WDR72: variants seen among roughly 807,000 people sequenced by gnomAD.
WDR72 encodes the protein WD repeat domain 72.
Under a neutral mutation model 124.2 loss-of-function variants are expected in WDR72, and 120 were observed. That is an observed-to-expected ratio of 0.97 (90% CI 0.83 to 1.12). The LOEUF is 1.12. Among genes scored for constraint, WDR72 ranks in the 50% most tolerant of loss-of-function variants. The pLI, the probability that WDR72 is intolerant of heterozygous loss-of-function variation, is 0.00. For synonymous variants in WDR72, 452 were observed against 441.7 expected (o/e 1.02, Z -0.29); for missense variants, 1,387 against 1,278.8 (o/e 1.08, Z -1.29).
In WDR72 at chr15:53,743,973, CAA is replaced by C. The variant is rs11295149; in HGVS notation, c.-12-10814_-12-10813del. ...CTGGGCGACAGAGCGAGACTCGTCT[CAA>C]AAAAAAAAAAAAAAAATTTATCAAA... On this transcript the variant is annotated intron_variant, in intron 1 of 19. Coordinates refer to ENST00000360509, the MANE Select transcript of WDR72 (RefSeq NM_182758.4). 1.5e-3 allele frequency among the ~76,000 whole-genome samples: 191 copies of C among 128,688 alleles called. 1 individual carries two copies. Among genetic ancestry groups the C allele is most frequent in the Middle Eastern group, 4.0e-3 (1 of 252 alleles). The allele number at this position is 128,688 out of a possible 152,430, so 84.4% of individuals were successfully genotyped here.
chr15:53,758,817 C>T (rs1231008187), intron 1 of WDR72, among the ~76,000 whole-genome samples: 6 of 142,012 alleles, frequency 4.2e-5, no homozygotes, highest in African/African-American at 1.3e-4. Flanking sequence ...GTACCATACA[C>T]CTACGTTTTG....
Position 53,615,674 on chromosome 15 carries a change from T to A in WDR72, c.2532A>T (p.Pro844=). ...TTCCACTATTGCATAAATCCCAACC[T>A]GGCAACATCAGTGAGAAATTATCTT... ...LNEDNFSLML[P]GWDLCNSGMI... The change falls in exon 15 of 20, where the codon CCA becomes CCT. Residue 844 remains proline (P), a synonymous_variant. Coordinates refer to ENST00000360509, the MANE Select transcript of WDR72 (RefSeq NM_182758.4). The A allele has an allele frequency of 6.2e-7, 1 of 1,611,664 alleles. No individual in the cohort carries two copies. The highest frequency in any genetic ancestry group is 8.5e-7 in the Non-Finnish European group (1 of 1,178,782).
chr15:53,742,958 C>T (rs16973512), intron 1 of WDR72, among the ~76,000 whole-genome samples: 2,457 of 152,058 alleles, frequency 0.016, 42 homozygotes, highest in Non-Finnish European at 0.026. Flanking sequence ...AGACATAAAA[C>T]TTCTCTTAAG....
intron 18 of WDR72, among the ~76,000 whole-genome samples, chr15:53,595,459 A>G (rs1254984612): frequency 6.6e-6 from 1 of 152,168 alleles, no homozygotes; most frequent in African/African-American, 2.4e-5. Context: ...GAAACCTCAA[A>G]TATGAGTAAG....
chr15:53,722,769 G>C (rs1433219846), intron 3 of WDR72, 33 bp downstream of exon 3: 15 of 1,585,654 alleles, frequency 9.5e-6, no homozygotes, highest in Middle Eastern at 1.7e-4. Flanking sequence ...GAAGGAAATG[G>C]AGAAGGGGAC....
At chr15:53,630,352 A>G (rs914755733) in intron 14 of WDR72, among the ~76,000 whole-genome samples, 4 of 152,204 alleles carry the variant, frequency 2.6e-5, no homozygotes, top group Non-Finnish European at 5.9e-5. Flanking sequence ...ACACTTCCCA[A>G]ATCTCTCTAA....
intron 7 of WDR72, 33 bp downstream of exon 7, chr15:53,712,739 A>C (rs372143756): frequency 6.3e-7 from 1 of 1,598,320 alleles, no homozygotes; most frequent in African/African-American, 1.3e-5. Context: ...ACACTTGTAC[A>C]TCACTGGTAT....
intron 11 of WDR72, among the ~76,000 whole-genome samples, chr15:53,704,084 A>C (rs1387946942): frequency 6.6e-6 from 1 of 152,228 alleles, no homozygotes; most frequent in Non-Finnish European, 1.5e-5. Context: ...CAAGTCAGTA[A>C]CATTTAGTAA....
At chr15:53,609,311 C>T (rs2013429776) in intron 17 of WDR72, among the ~76,000 whole-genome samples, 2 of 152,124 alleles carry the variant, frequency 1.3e-5, no homozygotes, top group African/African-American at 4.8e-5. Context: ...CTCCCTCAGC[C>T]CCGGGCATTC....
chr15:53,537,450 TG>T (rs1366283057), intron 18 of WDR72, among the ~76,000 whole-genome samples: 3 of 152,212 alleles, frequency 2.0e-5, no homozygotes, highest in Non-Finnish European at 4.4e-5. Context: ...TTTATTGATA[TG>T]GAAATGTATC....
chr15:53,701,559 TCACACA>T (rs58047374), intron 12 of WDR72, among the ~76,000 whole-genome samples: 1,416 of 120,110 alleles, frequency 0.012, 28 homozygotes, highest in African/African-American at 0.039. Context: ...TCTCTCTCTC[TCACACA>T]CACACACACA....
chr15:53,617,707 A>T (rs1007268204), intron 14 of WDR72, among the ~76,000 whole-genome samples: 11 of 152,072 alleles, frequency 7.2e-5, no homozygotes, highest in Admixed American at 2.0e-4. Context: ...TACAAGTAGT[A>T]ACCAGAAAAA....
intron 14 of WDR72, among the ~76,000 whole-genome samples, chr15:53,646,646 T>G (rs2015053089): frequency 6.6e-6 from 1 of 152,066 alleles, no homozygotes; most frequent in Non-Finnish European, 1.5e-5. Flanking sequence ...CAACCACAAG[T>G]GTGTCTCCAG....
At chr15:53,622,611 G>A (rs998948255) in intron 14 of WDR72, among the ~76,000 whole-genome samples, 1 of 152,006 alleles carries the variant, frequency 6.6e-6, no homozygotes, top group Non-Finnish European at 1.5e-5. Flanking sequence ...AACACACACA[G>A]TGGGGGCAGT....
At chr15:53,625,603 C>T (rs2014173976) in intron 14 of WDR72, among the ~76,000 whole-genome samples, 1 of 152,068 alleles carries the variant, frequency 6.6e-6, no homozygotes, top group Non-Finnish European at 1.5e-5. Flanking sequence ...GTCTGGAGTA[C>T]AAAGACTTTG....
At chr15:53,708,678 G>T (rs2017452717) in intron 9 of WDR72, among the ~76,000 whole-genome samples, 1 of 152,110 alleles carries the variant, frequency 6.6e-6, no homozygotes, top group Admixed American at 6.5e-5. Flanking sequence ...TGAAGTTTTT[G>T]TCATCATCAT....
chr15:53,565,569 G>A (rs1894266237), intron 18 of WDR72, among the ~76,000 whole-genome samples: 2 of 152,042 alleles, frequency 1.3e-5, no homozygotes, highest in East Asian at 1.9e-4. Flanking sequence ...TTGACCTAAT[G>A]TATTTTGGAT....
At chr15:53,722,944 A>G (rs1354087296) in intron 2 of WDR72, 36 bp from the exon 3 acceptor site, 17 of 1,563,832 alleles carry the variant, frequency 1.1e-5, no homozygotes, top group Non-Finnish European at 1.5e-5. Flanking sequence ...AAATAATTGT[A>G]AACTGTTTGA....
intron 18 of WDR72, among the ~76,000 whole-genome samples, chr15:53,557,671 A>G (rs1049538989): frequency 6.6e-6 from 1 of 151,926 alleles, no homozygotes; most frequent in African/African-American, 2.4e-5. Context: ...GAGCCTGGAA[A>G]AGTGACCACC....
Sources: gnomAD v4.1 joint callset for allele counts (sites outside exome capture counted in the v4.1 genomes callset) on GRCh38, gnomAD v4.1.1 for gene constraint, MANE v1.5 for transcripts, NCBI Gene and HGNC (gene_info 2026-07-23, HGNC 2026-07-21) for gene names.